The following MTERF3 variants were observed in gnomAD, a reference collection of about 807,000 sequenced individuals.
MTERF3 encodes the protein mitochondrial transcription termination factor 3, also known as transcription termination factor 3, mitochondrial.
A neutral mutation model predicts 40.5 loss-of-function variants in MTERF3; 40 were observed. That is an observed-to-expected ratio of 0.99 (90% CI 0.77 to 1.29). The LOEUF is 1.29. Ranked by LOEUF, MTERF3 falls within the 50% of genes most tolerant of loss-of-function variation. The probability of loss-of-function intolerance (pLI) is 0.00; values close to 1 mark genes in which losing one functional copy is unlikely to be tolerated. For synonymous variants in MTERF3, 158 were observed against 166.6 expected (o/e 0.95, Z 0.40); for missense variants, 452 against 478.2 (o/e 0.95, Z 0.51).
chr8:96,243,789 C>T (rs745357656), intron 7 of MTERF3, 130 bp downstream of exon 7: 57 of 975,358 alleles, frequency 5.8e-5, no homozygotes, highest in African/African-American at 1.2e-4. Context: ...ACTGATTTCT[C>T]CTCAGGAGAT....
chr8:96,247,672 T>A (rs1052929045), intron 4 of MTERF3, among the ~76,000 whole-genome samples: 2 of 152,164 alleles, frequency 1.3e-5, no homozygotes, highest in Non-Finnish European at 2.9e-5. Flanking sequence ...AAACTTATAT[T>A]ACTTTATAAT....
chr8:96,246,977 T>C (rs1375600009), intron 4 of MTERF3, among the ~76,000 whole-genome samples: 1 of 151,974 alleles, frequency 6.6e-6, no homozygotes, highest in African/African-American at 2.4e-5. Context: ...TCCCCTCTTC[T>C]ATTCTTTTCT....
At chr8:96,243,823 T>A in intron 7 of MTERF3, 96 bp downstream of exon 7, 1 of 1,363,646 alleles carries the variant, frequency 7.3e-7, no homozygotes, top group Non-Finnish European at 1.0e-6. Flanking sequence ...CTGCAAATTG[T>A]AAACTCTTCC....
chr8:96,260,053 C>G (rs191419650), intron 1 of MTERF3: 2 of 152,162 alleles, frequency 1.3e-5, no homozygotes, highest in Non-Finnish European at 2.9e-5. Flanking sequence ...TACCCACGCC[C>G]GCTACTATGC....
At chr8:96,248,561 T>C (rs188806727) in intron 4 of MTERF3, among the ~76,000 whole-genome samples, 29 of 152,342 alleles carry the variant, frequency 1.9e-4, no homozygotes, top group Non-Finnish European at 3.4e-4. Flanking sequence ...GCTGTGTCGA[T>C]AGGTGGGTCT....
At chr8:96,253,188 T>C (rs991015662) in intron 3 of MTERF3, among the ~76,000 whole-genome samples, 4 of 152,078 alleles carry the variant, frequency 2.6e-5, no homozygotes, top group African/African-American at 9.7e-5. Context: ...GACAAGGACT[T>C]TAATGAAGGG....
intron 7 of MTERF3, among the ~76,000 whole-genome samples, chr8:96,241,358 C>G (rs1047260470): frequency 1.3e-5 from 2 of 151,042 alleles, no homozygotes; most frequent in African/African-American, 4.9e-5. Context: ...TGCACTGAGC[C>G]GAGATCACGC....
chr8:96,246,710 G>C (rs1810028467), intron 4 of MTERF3, among the ~76,000 whole-genome samples: 1 of 152,136 alleles, frequency 6.6e-6, no homozygotes, highest in African/African-American at 2.4e-5. Flanking sequence ...ATAGGTATTA[G>C]TTGCGGTTTT....
rs559338654 is a variant in MTERF3, at chr8:96,240,479, TAA to T, written c.1060-796_1060-795del. ...TTTTTAAAATTTGCACTCCTCCCCT[TAA>T]CTAGAATCAAAATGAAATGAATCTG... On this transcript the variant is annotated intron_variant, in intron 7 of 7. Transcript: ENST00000287025. Among the ~76,000 whole-genome samples, 6 of 152,236 alleles carry T rather than the reference TAA, an allele frequency of 3.9e-5. No homozygotes were observed. In the South Asian group the frequency reaches 1.2e-3, roughly 32 times the overall value.
rs753191808 is a variant in MTERF3 at position 96,239,606 on chromosome 8, G to C, written c.1139C>G (p.Ala380Gly). Residue 380 changes from alanine to glycine, a missense_variant, in exon 8 of 8, where the codon GCA becomes GGA. Coordinates refer to ENST00000287025, the MANE Select transcript of MTERF3 (RefSeq NM_015942.5). Reference sequence around the variant, plus strand: ...GTCCAAAGAGATGTAGTTAGGTTTTGCTGGATCATACTGTGCTCTTCCTAA... The same window carrying C: ...GTCCAAAGAGATGTAGTTAGGTTTTCCTGGATCATACTGTGCTCTTCCTAA... ...TYLGRAQYDP[A>G]KPNYISLDKL... 4 of 1,612,738 alleles carry C rather than the reference G, an allele frequency of 2.5e-6. No individual in the cohort carries two copies. The Admixed American group carries it at 6.7e-5, about 27-fold the overall frequency.
At position 96,243,933 on chromosome 8, in the gene MTERF3, CAAT is replaced by C. The variant is rs1563544897; in HGVS notation, c.1042_1044del (p.Ile348del). On this transcript the variant is annotated inframe_deletion, in exon 7 of 8. Transcript: ENST00000287025. ...AGTGGCATTACCTGTGGGAACTTGA[CAAT>C]GATGTGGTGGGGAATGCTCATCACA... is the stretch of plus-strand genomic sequence containing the variant. The C allele has an allele frequency of 5.0e-6, 8 of 1,613,628 alleles. No individual in the cohort carries two copies. Among genetic ancestry groups the C allele is most frequent in the Non-Finnish European group, 6.8e-6 (8 of 1,179,878 alleles).
intron 7 of MTERF3, 194 bp from the exon 8 acceptor site, chr8:96,239,879 A>G (rs1285700065): frequency 4.3e-6 from 3 of 700,130 alleles, no homozygotes; most frequent in Non-Finnish European, 7.8e-6. Flanking sequence ...TTCAAAATCA[A>G]CATACAAAAC....
chr8:96,249,081 T>C lies in MTERF3; in HGVS notation c.677+1825A>G, dbSNP rs116857390. On this transcript the variant is annotated intron_variant, in intron 4 of 7. Coordinates refer to ENST00000287025, the MANE Select transcript of MTERF3 (RefSeq NM_015942.5). ...GAATATTCCTCAATTGTTAGGAGCA[T>C]ATATGGCTTGAGCAAGTAACTTAAG... Among the ~76,000 whole-genome samples the C allele has an allele frequency of 1.3e-4, 20 of 152,326 alleles. No homozygotes were observed. In the East Asian group the frequency reaches 3.9e-3, roughly 29 times the overall value.
At position 96,245,920 on chromosome 8, in the gene MTERF3, C is replaced by T. The variant is rs757948732; in HGVS notation, c.837G>A (p.Leu279=). The change falls in exon 6 of 8, where the codon CTG becomes CTA. Residue 279 remains leucine (L), a synonymous_variant. Coordinates refer to ENST00000287025, the MANE Select transcript of MTERF3 (RefSeq NM_015942.5). ...TTAGCAGCCTTGGGAGACGAACTAC[C>T]AGATCTCTAGTCTGTGGTTGCAAAC... is the stretch of plus-strand genomic sequence containing the variant. ...LELSVKKTRD[L]VVRLPRLLTG... is the part of the protein sequence containing the mutation. 1.7e-5 allele frequency: 28 copies of T among 1,613,918 alleles called. No individual in the cohort carries two copies. In the Admixed American group the frequency reaches 4.7e-4, roughly 27 times the overall value.
intron 1 of MTERF3, among the ~76,000 whole-genome samples, chr8:96,261,266 C>A (rs7008107): frequency 6.6e-6 from 1 of 152,218 alleles, no homozygotes; most frequent in African/African-American, 2.4e-5. Context: ...CCCAAACTTG[C>A]GCAGGAAGGC....
chr8:96,248,120 G>A (rs1810056262), intron 4 of MTERF3, among the ~76,000 whole-genome samples: 1 of 152,164 alleles, frequency 6.6e-6, no homozygotes, highest in Non-Finnish European at 1.5e-5. Flanking sequence ...TACACTGTTG[G>A]GGAGAGTATA....
chr8:96,250,845 C>A, intron 4 of MTERF3, 61 bp downstream of exon 4: 1 of 1,471,690 alleles, frequency 6.8e-7, no homozygotes, highest in Non-Finnish European at 9.3e-7. Flanking sequence ...GAATACCTTC[C>A]ACATATATTT....
At position 96,258,499 on chromosome 8, in the gene MTERF3, G is replaced by C; in HGVS notation, c.192C>G (p.Ser64=). 1 of 1,614,170 alleles carries C rather than the reference G, an allele frequency of 6.2e-7. No homozygotes were observed. The highest frequency in any genetic ancestry group is 8.5e-7 in the Non-Finnish European group (1 of 1,180,012). The part of the protein sequence containing the change: ...LQWGFKTYRT[S]SLWNSSQSTS... Reference sequence around the variant, plus strand: ...TAGACTGGGAACTATTCCATAAGGAGGAAGTCCTGTAAGTCTTAAATCCCC... The same window carrying C: ...TAGACTGGGAACTATTCCATAAGGACGAAGTCCTGTAAGTCTTAAATCCCC... The change falls in exon 2 of 8, where the codon TCC becomes TCG. Residue 64 remains serine, a synonymous_variant. Coordinates refer to ENST00000287025, the MANE Select transcript of MTERF3 (RefSeq NM_015942.5).
intron 1 of MTERF3, chr8:96,260,224 GAAGT>G (rs1218191921): frequency 6.6e-6 from 1 of 151,556 alleles, no homozygotes; most frequent in African/African-American, 2.4e-5. Flanking sequence ...TTTTAGAAAA[GAAGT>G]AAGTATTCAC....
Sources: gnomAD v4.1 joint callset for allele counts (sites outside exome capture counted in the v4.1 genomes callset) on GRCh38, gnomAD v4.1.1 for gene constraint, MANE v1.5 for transcripts, NCBI Gene and HGNC (gene_info 2026-07-23, HGNC 2026-07-21) for gene names.